Variants in WARS2 observed in about 807,000 individuals in gnomAD.
WARS2 encodes tryptophanyl tRNA synthetase 2, mitochondrial.
Under a neutral mutation model 36.5 loss-of-function variants are expected in WARS2, and 28 were observed. That is an observed-to-expected ratio of 0.77 (90% CI 0.57 to 1.05). The LOEUF is 1.05. Ranked by LOEUF, WARS2 falls within the 50% of genes least tolerant of loss-of-function variation. The pLI is 0.00. For missense variants in WARS2, 435 were observed against 456.8 expected, an observed-to-expected ratio of 0.95 and a Z score of 0.44; for synonymous variants, 174 against 178.4, an observed-to-expected ratio of 0.98 and a Z score of 0.20.
intron 2 of WARS2, among the ~76,000 whole-genome samples, chr1:119,074,254 A>G (rs1271799489): frequency 6.6e-6 from 1 of 152,242 alleles, no homozygotes; most frequent in East Asian, 1.9e-4. Flanking sequence ...AGATAGGATG[A>G]CCAAGAAGGC....
intron 1 of WARS2, among the ~76,000 whole-genome samples, chr1:119,084,644 A>G (rs1404940444): frequency 6.6e-6 from 1 of 152,196 alleles, no homozygotes; most frequent in African/African-American, 2.4e-5. Flanking sequence ...GTAACTGGAA[A>G]GGTCCCACGA....
At chr1:119,137,386 A>G (rs938969563) in intron 1 of WARS2, among the ~76,000 whole-genome samples, 1 of 152,170 alleles carries the variant, frequency 6.6e-6, no homozygotes, top group Admixed American at 6.5e-5. Context: ...GGCTATACTT[A>G]GCGATAGTTA....
intron 4 of WARS2, among the ~76,000 whole-genome samples, chr1:119,040,240 G>A (rs1248427866): frequency 6.6e-6 from 1 of 152,204 alleles, no homozygotes; most frequent in Admixed American, 6.5e-5. Flanking sequence ...TGGCTACTTA[G>A]CTTCAGGCAA....
At chr1:119,083,928 A>G (rs1652404463) in intron 1 of WARS2, among the ~76,000 whole-genome samples, 1 of 152,194 alleles carries the variant, frequency 6.6e-6, no homozygotes, top group African/African-American at 2.4e-5. Flanking sequence ...CTTGAACAGG[A>G]CAGTAAGTAC....
chr1:119,110,760 T>A (rs920141451), intron 1 of WARS2, among the ~76,000 whole-genome samples: 1 of 152,134 alleles, frequency 6.6e-6, no homozygotes, highest in Non-Finnish European at 1.5e-5. Flanking sequence ...TTCTTCTCCA[T>A]CAAATATTCT....
intron 1 of WARS2, 195 bp downstream of exon 1, chr1:119,140,360 C>A: frequency 2.3e-6 from 1 of 439,370 alleles, no homozygotes; most frequent in Non-Finnish European, 3.9e-6. Flanking sequence ...CACCAAGAAA[C>A]CTTTACGTCA....
chr1:119,057,436 G>A (rs973273089), intron 2 of WARS2, among the ~76,000 whole-genome samples: 3 of 151,770 alleles, frequency 2.0e-5, no homozygotes, highest in African/African-American at 4.8e-5. Flanking sequence ...GAGTCACTGC[G>A]CCTGGCCCCA....
chr1:119,100,989 T>G (rs1325848919), intron 1 of WARS2, among the ~76,000 whole-genome samples: 1 of 152,124 alleles, frequency 6.6e-6, no homozygotes, highest in Non-Finnish European at 1.5e-5. Context: ...CTCACTCATA[T>G]GTAGGAGCTA....
intron 3 of WARS2, 90 bp downstream of exon 3, chr1:119,045,492 G>T: frequency 1.8e-6 from 2 of 1,094,716 alleles, no homozygotes; most frequent in Non-Finnish European, 2.7e-6. Context: ...TGGCAGACCA[G>T]GGAGGAGAGT....
At position 119,045,310 on chromosome 1, in the gene WARS2, G is replaced by A. The variant is rs191450227; in HGVS notation, c.429+272C>T. Among the ~76,000 whole-genome samples, 244 of 152,302 alleles carry A rather than the reference G, an allele frequency of 1.6e-3. 1 individual carries two copies. The highest frequency in any genetic ancestry group is 2.3e-3 in the Non-Finnish European group (156 of 68,020). Reference sequence around the variant, plus strand: ...GTGATTGTTTATTAACTATAATGTGGTTGTTCAAAGTCATTACCAAGTCTA... The same window carrying A: ...GTGATTGTTTATTAACTATAATGTGATTGTTCAAAGTCATTACCAAGTCTA... On this transcript the variant is annotated intron_variant, in intron 3 of 5. Coordinates refer to ENST00000235521, the MANE Select transcript of WARS2 (RefSeq NM_015836.4).
intron 1 of WARS2, among the ~76,000 whole-genome samples, chr1:119,077,856 A>G (rs587678518): frequency 1.3e-5 from 2 of 152,326 alleles, no homozygotes; most frequent in South Asian, 4.1e-4. Context: ...GTATCAATAA[A>G]TATACTGTAA....
At chr1:119,090,922 C>T (rs1652999924) in intron 1 of WARS2, among the ~76,000 whole-genome samples, 1 of 152,016 alleles carries the variant, frequency 6.6e-6, no homozygotes, top group Non-Finnish European at 1.5e-5. Context: ...AGTTTTTCGG[C>T]ATATGGTGGT....
chr1:119,107,244 A>T (rs1654299773), intron 1 of WARS2, among the ~76,000 whole-genome samples: 1 of 152,076 alleles, frequency 6.6e-6, no homozygotes, highest in African/African-American at 2.4e-5. Flanking sequence ...ATCTTCTCCT[A>T]GTCTGTGGTT....
At chr1:119,135,739 T>G (rs587648796) in intron 1 of WARS2, among the ~76,000 whole-genome samples, 62 of 115,912 alleles carry the variant, frequency 5.3e-4, no homozygotes, top group Middle Eastern at 4.3e-3. Context: ...GATAGATAGA[T>G]AGATAGATAG....
At position 119,032,329 on chromosome 1, in the gene WARS2, A is replaced by G. The variant is rs1647491066; in HGVS notation, c.*582T>C. On this transcript the variant is annotated 3_prime_UTR_variant, in exon 6 of 6. Coordinates refer to ENST00000235521, the MANE Select transcript of WARS2 (RefSeq NM_015836.4). ...ATATCCCATATCTCTGAATTAAAAA[A>G]CAAATTATTGCTGGAACAGTTGGTG... is the stretch of plus-strand genomic sequence containing the variant. The G allele has an allele frequency of 6.6e-6, 1 of 152,472 alleles. No homozygotes were observed. Among genetic ancestry groups the G allele is most frequent in the African/African-American group, 2.4e-5 (1 of 41,468 alleles). The allele number at this position is 152,472 out of a possible 1,614,324, so 9.4% of individuals were successfully genotyped here. A position where few individuals can be genotyped will look rare whatever the true frequency, so the allele number is the denominator to read the frequency against.
At chr1:119,088,439 C>CACACAG (rs1652822359) in intron 1 of WARS2, among the ~76,000 whole-genome samples, 2 of 86,754 alleles carry the variant, frequency 2.3e-5, no homozygotes, top group Non-Finnish European at 5.2e-5. Flanking sequence ...CACTGAAACA[C>CACACAG]ACACACACAC....
intron 1 of WARS2, among the ~76,000 whole-genome samples, chr1:119,115,012 T>A (rs986717210): frequency 6.6e-6 from 1 of 152,162 alleles, no homozygotes; most frequent in African/African-American, 2.4e-5. Context: ...TTGGCTCCAG[T>A]TGGTGTGAAT....
At chr1:119,067,362 T>C (rs1418484529) in intron 2 of WARS2, among the ~76,000 whole-genome samples, 1 of 152,222 alleles carries the variant, frequency 6.6e-6, no homozygotes, top group African/African-American at 2.4e-5. Context: ...TAATGTTTAA[T>C]ATGTAAAAAA....
intron 2 of WARS2, among the ~76,000 whole-genome samples, chr1:119,075,126 C>T (rs1301211561): frequency 6.7e-6 from 1 of 150,018 alleles, no homozygotes; most frequent in East Asian, 2.0e-4. Context: ...ATACACCTTC[C>T]TAATCTCTAA....
Sources: allele counts gnomAD v4.1 joint callset (sites outside exome capture counted in the v4.1 genomes callset), GRCh38; gene constraint gnomAD v4.1.1; transcripts MANE v1.5; gene names NCBI Gene and HGNC (gene_info 2026-07-23, HGNC 2026-07-21).